The following MPPED1 variants were observed in gnomAD, a reference collection of about 807,000 sequenced individuals.
MPPED1 encodes the protein metallophosphoesterase domain containing 1.
A neutral mutation model predicts 36.2 loss-of-function variants in MPPED1; 16 were observed. That is an observed-to-expected ratio of 0.44 (90% confidence interval 0.30 to 0.67). The LOEUF (loss-of-function observed/expected upper bound fraction) is 0.67. MPPED1 is among the 30% of genes least tolerant of loss of function. The pLI, the probability that MPPED1 is intolerant of heterozygous loss-of-function variation, is 0.10. For synonymous variants in MPPED1, 199 were observed against 191.3 expected, an observed-to-expected ratio of 1.04 and a Z score of -0.33; for missense variants, 307 against 453.4, an observed-to-expected ratio of 0.68 and a Z score of 2.93.
At chr22:43,431,670 G>A (rs1039740639) in intron 2 of MPPED1, among the ~76,000 whole-genome samples, 1 of 152,192 alleles carries the variant, frequency 6.6e-6, no homozygotes, top group South Asian at 2.1e-4. Context: ...GTAAAATGGG[G>A]CTACCCATAG....
At position 43,430,546 on chromosome 22, in the gene MPPED1, C is replaced by T. The variant is rs182190109; in HGVS notation, c.225-4488C>T. 2.4e-4 allele frequency among the ~76,000 whole-genome samples: 36 copies of T among 152,244 alleles called. No individual in the cohort carries two copies. In the East Asian group the frequency reaches 5.2e-3, roughly 22 times the overall value. ...CTCTCCTCTGTGCTGTTCCTGCTGC[C>T]AGGAATCCCATGGGAAGAAGATCGG... is the stretch of plus-strand genomic sequence containing the variant. On this transcript the variant is annotated intron_variant, in intron 2 of 6. Transcript: ENST00000443721.
chr22:43,438,012 A>C (rs1930022850), intron 3 of MPPED1, among the ~76,000 whole-genome samples: 1 of 152,276 alleles, frequency 6.6e-6, no homozygotes, highest in East Asian at 1.9e-4. Flanking sequence ...GAGACTGGAA[A>C]GAAACATTCC....
chr22:43,421,704 G>A (rs935001618), intron 1 of MPPED1, among the ~76,000 whole-genome samples: 2 of 152,144 alleles, frequency 1.3e-5, no homozygotes, highest in African/African-American at 4.8e-5. Context: ...TCCCCTCATC[G>A]TCTCTGCATC....
At chr22:43,441,014 C>A (rs1001713946) in intron 3 of MPPED1, among the ~76,000 whole-genome samples, 17 of 152,082 alleles carry the variant, frequency 1.1e-4, no homozygotes, top group African/African-American at 4.1e-4. Flanking sequence ...TTCCAAATGA[C>A]AACTAACCAC....
intron 3 of MPPED1, among the ~76,000 whole-genome samples, chr22:43,463,847 CTT>C (rs949789604): frequency 8.1e-6 from 1 of 123,586 alleles, no homozygotes; most frequent in African/African-American, 2.9e-5. Flanking sequence ...TTCTTTCTTT[CTT>C]TCTTTCTTTC....
At chr22:43,427,812 C>A (rs949374793) in intron 2 of MPPED1, among the ~76,000 whole-genome samples, 14 of 152,052 alleles carry the variant, frequency 9.2e-5, no homozygotes, top group Non-Finnish European at 1.6e-4. Context: ...GCCGTGCCGC[C>A]CTCCTTGGAT....
intron 3 of MPPED1, among the ~76,000 whole-genome samples, chr22:43,457,762 T>A (rs980236234): frequency 6.6e-6 from 1 of 152,224 alleles, no homozygotes; most frequent in East Asian, 1.9e-4. Context: ...CCTAATTTCA[T>A]AAATATACAA....
At chr22:43,447,640 C>G (rs896720444) in intron 3 of MPPED1, among the ~76,000 whole-genome samples, 2 of 151,264 alleles carry the variant, frequency 1.3e-5, no homozygotes, top group Admixed American at 1.3e-4. Context: ...GGCGTCTCCC[C>G]TCCTGGTCTC....
chr22:43,430,582 G>A (rs1031827935), intron 2 of MPPED1, among the ~76,000 whole-genome samples: 12 of 152,208 alleles, frequency 7.9e-5, no homozygotes, highest in African/African-American at 2.7e-4. Context: ...TGTAGGCTGG[G>A]GAGAGCTTGA....
chr22:43,442,164 A>T (rs135058), intron 3 of MPPED1, among the ~76,000 whole-genome samples: 140,153 of 151,856 alleles, frequency 0.92, 64,801 homozygotes, highest in Middle Eastern at 0.99. Flanking sequence ...CCTCTCTTCT[A>T]CTTGGGGGTG....
chr22:43,420,171 C>T (rs894056376), intron 1 of MPPED1, among the ~76,000 whole-genome samples: 3 of 152,146 alleles, frequency 2.0e-5, no homozygotes, highest in Admixed American at 1.3e-4. Context: ...TCCCAGTGTC[C>T]TACCGCTCAG....
At chr22:43,500,733 T>G (rs867571635) in intron 5 of MPPED1, among the ~76,000 whole-genome samples, 25 of 152,024 alleles carry the variant, frequency 1.6e-4, no homozygotes, top group African/African-American at 5.8e-4. Flanking sequence ...CTGCAGTGTG[T>G]GCCTGGGTTG....
intron 4 of MPPED1, among the ~76,000 whole-genome samples, chr22:43,495,651 A>T (rs1341108775): frequency 5.9e-5 from 3 of 51,092 alleles, no homozygotes; most frequent in East Asian, 7.2e-4. Flanking sequence ...GTGATGGTGG[A>T]GGTAGTGGTG....
intron 3 of MPPED1, among the ~76,000 whole-genome samples, chr22:43,468,029 C>G (rs962680442): frequency 6.6e-6 from 1 of 152,180 alleles, no homozygotes; most frequent in African/African-American, 2.4e-5. Context: ...CTGCCCCGTG[C>G]GGCAGCTGCA....
At chr22:43,431,417 C>T (rs1005555091) in intron 2 of MPPED1, among the ~76,000 whole-genome samples, 3 of 152,076 alleles carry the variant, frequency 2.0e-5, no homozygotes, top group Non-Finnish European at 4.4e-5. Flanking sequence ...ATCTTCACAC[C>T]GGTGGCCTCT....
intron 1 of MPPED1, among the ~76,000 whole-genome samples, chr22:43,420,395 G>T (rs561707368): frequency 1.3e-5 from 2 of 151,292 alleles, no homozygotes; most frequent in Non-Finnish European, 1.5e-5. Context: ...AGGTGATGCC[G>T]CTTCAGATAG....
rs754525748 is a variant in MPPED1, at chr22:43,507,449, G to T, written c.*1833G>T. On this transcript the variant is annotated 3_prime_UTR_variant, in exon 7 of 7. Coordinates refer to ENST00000443721, the MANE Select transcript of MPPED1 (RefSeq NM_001044370.2). Reference sequence around the variant, plus strand: ...ATCGGGTTGGCTGAAGCTGAGCGCCGTGGGGTGCAGGGCTCCAGGAATCCC... The same window carrying T: ...ATCGGGTTGGCTGAAGCTGAGCGCCTTGGGGTGCAGGGCTCCAGGAATCCC... 3 of 152,130 alleles carry T rather than the reference G, an allele frequency of 2.0e-5. No individual in the cohort carries two copies. The highest frequency in any genetic ancestry group is 2.9e-5 in the Non-Finnish European group (2 of 68,034). The allele number at this position is 152,130 out of a possible 1,614,324, so 9.4% of individuals were successfully genotyped here.
intron 1 of MPPED1, among the ~76,000 whole-genome samples, chr22:43,413,060 A>T (rs1928961437): frequency 6.6e-6 from 1 of 151,914 alleles, no homozygotes; most frequent in Admixed American, 6.6e-5. Context: ...ACTGGCCCCC[A>T]CCCCTGTCCA....
intron 4 of MPPED1, among the ~76,000 whole-genome samples, chr22:43,494,689 T>A (rs1932199730): frequency 1.9e-5 from 1 of 53,414 alleles, no homozygotes; most frequent in Non-Finnish European, 3.7e-5. Context: ...CACAATTTGA[T>A]TCACAGTGGT....
Sources: allele counts gnomAD v4.1 joint callset (sites outside exome capture counted in the v4.1 genomes callset), GRCh38; gene constraint gnomAD v4.1.1; transcripts MANE v1.5; gene names NCBI Gene and HGNC (gene_info 2026-07-23, HGNC 2026-07-21).